Variants in PLEKHA7 observed in about 807,000 individuals in gnomAD.
PLEKHA7 encodes pleckstrin homology domain containing A7.
PLEKHA7 carries 104 observed loss-of-function variants against 170.0 expected under a neutral mutation model. The ratio of observed to expected loss-of-function variants is 0.61; its 90% CI spans 0.52 to 0.72. The LOEUF is 0.72. PLEKHA7 is among the 30% of genes least tolerant of loss of function. The pLI, the probability that PLEKHA7 is intolerant of heterozygous loss-of-function variation, is 0.00. For missense variants in PLEKHA7, 1,615 were observed against 1,671.7 expected (o/e 0.97, Z 0.59); for synonymous variants, 648 against 660.8 (o/e 0.98, Z 0.30).
In PLEKHA7 at chr11:16,826,191, T is replaced by G. The variant is rs558118529; in HGVS notation, c.1272A>C (p.Lys424Asn). 1.6e-5 allele frequency: 26 copies of G among 1,614,042 alleles called. No individual in the cohort carries two copies. The highest frequency in any genetic ancestry group is 2.2e-5 in the Non-Finnish European group (26 of 1,180,038). Residue 424 changes from lysine to asparagine, a missense_variant, in exon 10 of 27, where the codon AAA becomes AAC. Coordinates refer to ENST00000531066, the MANE Select transcript of PLEKHA7 (RefSeq NM_001329630.2). Reference sequence around the variant, plus strand: ...CCAGATTGCTCTTCCTTTGGCTGTGTTTTTCAGGGTTGGTCCTGGGAGGAA... The same window carrying G: ...CCAGATTGCTCTTCCTTTGGCTGTGGTTTTCAGGGTTGGTCCTGGGAGGAA... The part of the protein sequence containing the change: ...RAFPPRTNPE[K>N]HSQRKSNLAQ...
At chr11:16,958,054 G>A (rs1861818254) in intron 3 of PLEKHA7, among the ~76,000 whole-genome samples, 2 of 152,004 alleles carry the variant, frequency 1.3e-5, no homozygotes, top group Admixed American at 6.6e-5. Flanking sequence ...AGTGGCTCAC[G>A]CCTGTAATCT....
intron 3 of PLEKHA7, among the ~76,000 whole-genome samples, chr11:17,005,191 A>G (rs1864911709): frequency 6.6e-6 from 1 of 152,190 alleles, no homozygotes; most frequent in Non-Finnish European, 1.5e-5. Flanking sequence ...ATTTTTTTCC[A>G]AAGTTCTCAA....
intron 17 of PLEKHA7, 81 bp downstream of exon 17, chr11:16,800,893 C>T: frequency 1.6e-6 from 2 of 1,212,320 alleles, no homozygotes; most frequent in Admixed American, 1.8e-5. Context: ...TCACAACCCC[C>T]ACAGGTGAAG....
chr11:16,837,858 G>A (rs1367954217), intron 9 of PLEKHA7, among the ~76,000 whole-genome samples: 1 of 152,066 alleles, frequency 6.6e-6, no homozygotes, highest in Non-Finnish European at 1.5e-5. Context: ...TCCACGATGG[G>A]GAGGAAGAAC....
intron 9 of PLEKHA7, among the ~76,000 whole-genome samples, chr11:16,829,066 T>C (rs898889011): frequency 1.3e-5 from 2 of 151,910 alleles, no homozygotes; most frequent in African/African-American, 4.8e-5. Context: ...GCGGTGGCAA[T>C]GATCACGGCT....
intron 3 of PLEKHA7, among the ~76,000 whole-genome samples, chr11:16,940,568 G>A (rs774843222): frequency 5.3e-5 from 8 of 152,152 alleles, no homozygotes; most frequent in African/African-American, 1.9e-4. Flanking sequence ...GATTACAGGC[G>A]TGAGCCACTG....
At position 16,907,661 on chromosome 11, in the gene PLEKHA7, G is replaced by A. The variant is rs547645482; in HGVS notation, c.222-36479C>T. Among the ~76,000 whole-genome samples, 501 of 131,874 alleles carry A rather than the reference G, an allele frequency of 3.8e-3. 15 individuals are homozygous for A. Among genetic ancestry groups the A allele is most frequent in the Admixed American group, 0.026 (354 of 13,734 alleles). 86.5% of individuals were successfully genotyped at this position (131,874 alleles called of 152,430 possible). A position where few individuals can be genotyped will look rare whatever the true frequency, so the allele number is the denominator to read the frequency against. ...TGGGAAGTAAGGAGCCCCTCTGCCC[G>A]GCCAGCCGCCCCGTCCGGGAGGTGA... On this transcript the variant is annotated intron_variant, in intron 3 of 26. Coordinates refer to ENST00000531066, the MANE Select transcript of PLEKHA7 (RefSeq NM_001329630.2).
intron 11 of PLEKHA7, among the ~76,000 whole-genome samples, 177 bp downstream of exon 11, chr11:16,816,623 G>A (rs1233044225): frequency 6.6e-6 from 1 of 152,178 alleles, no homozygotes; most frequent in Admixed American, 6.5e-5. Flanking sequence ...CAGGGTTGTG[G>A]TGAGAATTTA....
intron 8 of PLEKHA7, among the ~76,000 whole-genome samples, chr11:16,845,869 T>G (rs1296855906): frequency 6.6e-6 from 1 of 152,026 alleles, no homozygotes; most frequent in East Asian, 1.9e-4. Flanking sequence ...TGGAGAGAAC[T>G]TGCAGGTAAT....
At chr11:16,809,256 C>T (rs1849195046) in intron 13 of PLEKHA7, among the ~76,000 whole-genome samples, 1 of 152,216 alleles carries the variant, frequency 6.6e-6, no homozygotes, top group South Asian at 2.1e-4. Context: ...AGCTTCTCAA[C>T]GTGGGCCCAC....
intron 4 of PLEKHA7, among the ~76,000 whole-genome samples, chr11:16,870,029 C>T (rs1854700909): frequency 6.6e-6 from 1 of 152,096 alleles, no homozygotes; most frequent in African/African-American, 2.4e-5. Flanking sequence ...TTCTTACCTT[C>T]CTTTTTTGGG....
intron 3 of PLEKHA7, among the ~76,000 whole-genome samples, chr11:16,960,401 G>A (rs1861981212): frequency 6.6e-6 from 1 of 152,192 alleles, no homozygotes; most frequent in Non-Finnish European, 1.5e-5. Context: ...AATTCTCCCT[G>A]TATTTACTCA....
chr11:16,781,079 G>A (rs577116557), intron 26 of PLEKHA7: 35 of 918,860 alleles, frequency 3.8e-5, no homozygotes, highest in African/African-American at 8.9e-5. Context: ...GGAATTAAGC[G>A]GTGTGTTAGA....
At chr11:16,948,505 G>A (rs1233380118) in intron 3 of PLEKHA7, among the ~76,000 whole-genome samples, 1 of 152,068 alleles carries the variant, frequency 6.6e-6, no homozygotes, top group Non-Finnish European at 1.5e-5. Context: ...ACATCAGGAA[G>A]GTAAGGCCAT....
chr11:16,946,353 A>G (rs2136452680), intron 3 of PLEKHA7, among the ~76,000 whole-genome samples: 1 of 152,188 alleles, frequency 6.6e-6, no homozygotes, highest in African/African-American at 2.4e-5. Flanking sequence ...AGAACCCTCA[A>G]CCCTGGGACC....
chr11:16,858,492 A>ATTT (rs59399110), intron 4 of PLEKHA7, among the ~76,000 whole-genome samples: 1 of 143,158 alleles, frequency 7.0e-6, no homozygotes, highest in Non-Finnish European at 1.5e-5. Flanking sequence ...TCTTTAACAA[A>ATTT]TTTTTTTTTT....
chr11:16,851,837 C>A (rs925448091), intron 7 of PLEKHA7, among the ~76,000 whole-genome samples: 1 of 152,246 alleles, frequency 6.6e-6, no homozygotes, highest in African/African-American at 2.4e-5. Context: ...TTCTCAGGCC[C>A]CCTGAACTGC....
At chr11:16,953,857 T>C (rs1861545410) in intron 3 of PLEKHA7, among the ~76,000 whole-genome samples, 1 of 152,220 alleles carries the variant, frequency 6.6e-6, no homozygotes. Context: ...TGGGTTTCTT[T>C]CACCTCTCCC....
intron 21 of PLEKHA7, chr11:16,790,270 G>A (rs1410016464): frequency 4.2e-6 from 1 of 240,574 alleles, no homozygotes; most frequent in Non-Finnish European, 8.2e-6. Flanking sequence ...CAACTGGCAA[G>A]AAAGCATTTA....
Sources: allele counts gnomAD v4.1 joint callset (sites outside exome capture counted in the v4.1 genomes callset), GRCh38; gene constraint gnomAD v4.1.1; transcripts MANE v1.5; gene names NCBI Gene and HGNC (gene_info 2026-07-23, HGNC 2026-07-21).